The following MGAT4C variants were observed in gnomAD, a reference collection of about 807,000 sequenced individuals.
The protein encoded by MGAT4C is alpha-1,3-mannosyl-glycoprotein 4-beta-N-acetylglucosaminyltransferase C.
MGAT4C carries 19 observed loss-of-function variants against 40.1 expected under a neutral mutation model. The observed-to-expected ratio is 0.47, with a 90% CI of 0.33 to 0.70. The LOEUF (loss-of-function observed/expected upper bound fraction) is 0.70. Among genes scored for constraint, MGAT4C ranks in the 30% least tolerant of loss-of-function variants. MGAT4C has a pLI of 0.02. For missense variants in MGAT4C, 491 were observed against 563.2 expected (o/e 0.87, Z 1.30); for synonymous variants, 181 against 187.1 (o/e 0.97, Z 0.27).
At chr12:86,835,482 C>T (rs1953019129) in intron 1 of MGAT4C, among the ~76,000 whole-genome samples, 1 of 151,736 alleles carries the variant, frequency 6.6e-6, no homozygotes, top group Non-Finnish European at 1.5e-5. Flanking sequence ...AATTTAAGGC[C>T]ATATCACTAG....
chr12:86,799,684 A>T (rs1023961501), intron 1 of MGAT4C, among the ~76,000 whole-genome samples: 2 of 151,906 alleles, frequency 1.3e-5, no homozygotes, highest in African/African-American at 4.8e-5. Flanking sequence ...TAATGTAGAT[A>T]CGTGATTGTT....
At chr12:86,774,912 A>G (rs1951726045) in intron 1 of MGAT4C, among the ~76,000 whole-genome samples, 1 of 152,170 alleles carries the variant, frequency 6.6e-6, no homozygotes, top group African/African-American at 2.4e-5. Context: ...GCAAATTTAA[A>G]AGAGAACTAT....
chr12:86,137,544 C>T (rs536491484), intron 1 of MGAT4C, among the ~76,000 whole-genome samples: 3 of 152,318 alleles, frequency 2.0e-5, no homozygotes, highest in African/African-American at 7.2e-5. Flanking sequence ...TTTAAACAAG[C>T]CCTTTGATTA....
intron 2 of MGAT4C, among the ~76,000 whole-genome samples, chr12:86,588,290 T>C (rs7488317): frequency 0.85 from 129,143 of 151,730 alleles, 55,486 homozygotes; most frequent in South Asian, 0.96. Context: ...CCAAAAAAGA[T>C]CAAAAGAGAC....
At chr12:86,291,202 G>C (rs568132204) in intron 4 of MGAT4C, among the ~76,000 whole-genome samples, 1 of 152,272 alleles carries the variant, frequency 6.6e-6, no homozygotes, top group East Asian at 1.9e-4. Context: ...ACCTGAAACT[G>C]ACTGGAAGCA....
intron 1 of MGAT4C, among the ~76,000 whole-genome samples, chr12:86,799,085 A>G (rs1952180380): frequency 6.6e-6 from 1 of 151,830 alleles, no homozygotes; most frequent in South Asian, 2.1e-4. Flanking sequence ...TCAGCATACA[A>G]AAATCAATAT....
intron 2 of MGAT4C, among the ~76,000 whole-genome samples, chr12:86,545,867 C>G (rs1438222478): frequency 6.6e-6 from 1 of 151,894 alleles, no homozygotes; most frequent in Non-Finnish European, 1.5e-5. Flanking sequence ...GTCATAGAAG[C>G]AAAGTTCTAT....
chr12:86,805,772 G>C (rs529653878), intron 1 of MGAT4C, among the ~76,000 whole-genome samples: 18 of 151,936 alleles, frequency 1.2e-4, no homozygotes, highest in Admixed American at 6.6e-4. Flanking sequence ...GGTAGTTCTG[G>C]TTTAAATTAT....
intron 2 of MGAT4C, among the ~76,000 whole-genome samples, chr12:86,551,890 C>T (rs1018372854): frequency 6.6e-6 from 1 of 152,020 alleles, no homozygotes; most frequent in Non-Finnish European, 1.5e-5. Context: ...AGAACCAAAG[C>T]CAGTGCATCC....
intron 2 of MGAT4C, among the ~76,000 whole-genome samples, chr12:86,610,521 C>G (rs1962212759): frequency 6.6e-6 from 1 of 151,514 alleles, no homozygotes; most frequent in African/African-American, 2.4e-5. Context: ...GAAGCAGACA[C>G]CAAGGAAGAG....
intron 2 of MGAT4C, among the ~76,000 whole-genome samples, chr12:86,534,764 T>C (rs1329135896): frequency 6.6e-6 from 1 of 152,162 alleles, no homozygotes; most frequent in African/African-American, 2.4e-5. Context: ...TCATAATAGA[T>C]GTAATTATAA....
chr12:86,333,278 TC>T (rs1237272539), intron 4 of MGAT4C, among the ~76,000 whole-genome samples: 2 of 152,096 alleles, frequency 1.3e-5, no homozygotes, highest in African/African-American at 4.8e-5. Flanking sequence ...GGAAAAAAAT[TC>T]CCCTTATTAT....
At chr12:86,287,817 C>T (rs1181465154) in intron 4 of MGAT4C, among the ~76,000 whole-genome samples, 1 of 152,180 alleles carries the variant, frequency 6.6e-6, no homozygotes, top group Non-Finnish European at 1.5e-5. Context: ...CATACGTATG[C>T]ATGTGTCCTT....
chr12:86,769,506 C>T (rs569623732), intron 1 of MGAT4C, among the ~76,000 whole-genome samples: 41 of 152,212 alleles, frequency 2.7e-4, no homozygotes, highest in African/African-American at 8.4e-4. Flanking sequence ...CCAGCCATCC[C>T]GTTATTGGGT....
intron 2 of MGAT4C, among the ~76,000 whole-genome samples, chr12:86,017,702 G>A (rs904006716): frequency 2.6e-5 from 4 of 152,146 alleles, no homozygotes; most frequent in Non-Finnish European, 4.4e-5. Flanking sequence ...GAGAAGCCAC[G>A]CAATTTAGGG....
chr12:86,430,540 G>A lies in MGAT4C; in HGVS notation c.-120+4617C>T, dbSNP rs113522715. Among the ~76,000 whole-genome samples the A allele has an allele frequency of 3.0e-4, 45 of 152,268 alleles. 1 individual carries two copies. Among genetic ancestry groups the A allele is most frequent in the African/African-American group, 1.0e-3 (43 of 41,578 alleles). ...TTTGTTTGGGTGAGGTTGCTCTTTGGGCTCTGATGGCCTGTGGGAACACTG... is the reference window on the plus strand; with the variant it reads ...TTTGTTTGGGTGAGGTTGCTCTTTGAGCTCTGATGGCCTGTGGGAACACTG... On this transcript the variant is annotated intron_variant, in intron 3 of 7. Transcript: ENST00000548651.
At chr12:85,982,618 G>T (rs1425602434) in intron 4 of MGAT4C, among the ~76,000 whole-genome samples, 1 of 152,162 alleles carries the variant, frequency 6.6e-6, no homozygotes, top group Non-Finnish European at 1.5e-5. Flanking sequence ...GGTACTTTTT[G>T]TAAGCTATGG....
intron 2 of MGAT4C, among the ~76,000 whole-genome samples, chr12:85,991,354 G>A (rs949505814): frequency 2.6e-5 from 4 of 152,110 alleles, no homozygotes; most frequent in African/African-American, 4.8e-5. Flanking sequence ...AGCCATGGGC[G>A]GGCCCAGAAA....
chr12:86,764,823 A>G (rs1031648797), intron 1 of MGAT4C, among the ~76,000 whole-genome samples: 1 of 152,166 alleles, frequency 6.6e-6, no homozygotes, highest in Non-Finnish European at 1.5e-5. Flanking sequence ...TTAGAAGGAA[A>G]ACTAACAAAC....
Sources: gnomAD v4.1 joint callset for allele counts (sites outside exome capture counted in the v4.1 genomes callset) on GRCh38, gnomAD v4.1.1 for gene constraint, MANE v1.5 for transcripts, NCBI Gene and HGNC (gene_info 2026-07-23, HGNC 2026-07-21) for gene names.